Variants in SRP54 observed in about 807,000 individuals in gnomAD.
SRP54 encodes signal recognition particle subunit SRP54.
A neutral mutation model predicts 64.8 loss-of-function variants in SRP54; 10 were observed. That is an observed-to-expected ratio of 0.15 (90% CI 0.10 to 0.26). The LOEUF is 0.26. SRP54 is among the 10% of genes least tolerant of loss of function. The pLI is 1.00. For missense variants in SRP54, 325 were observed against 613.7 expected (o/e 0.53, Z 4.97); for synonymous variants, 193 against 185.6 (o/e 1.04, Z -0.32).
chr14:35,011,606 C>A lies in SRP54; in HGVS notation c.583C>A (p.His195Asn), dbSNP rs1429576232. ...TATTATTGTTGATACAAGTGGCCGC[C>A]ACAAACAAGAAGACTCTTTGTTTGA... ...EIIIVDTSGR[H>N]KQEDSLFEEM... is the part of the protein sequence containing the mutation. The change falls in exon 8 of 16, where the codon CAC becomes AAC. Residue 195 changes from histidine (H) to asparagine (N), a missense_variant. Around this residue, in one of 3 missense-constraint regions of SRP54, gnomAD observed 156 missense variants for 254.6 expected, o/e 0.61. Transcript: ENST00000216774. 3.8e-6 allele frequency: 6 copies of A among 1,593,112 alleles called. No individual in the cohort carries two copies. The highest frequency in any genetic ancestry group is 1.3e-5 in the African/African-American group (1 of 74,608).
chr14:35,017,409 A>G (rs1186554272), intron 11 of SRP54, among the ~76,000 whole-genome samples: 1 of 152,116 alleles, frequency 6.6e-6, no homozygotes, highest in East Asian at 1.9e-4. Flanking sequence ...TTCAGACTCT[A>G]AGTTCTATGT....
At chr14:35,022,306 A>G (rs1472846008) in intron 13 of SRP54, among the ~76,000 whole-genome samples, 1 of 151,344 alleles carries the variant, frequency 6.6e-6, no homozygotes, top group East Asian at 1.9e-4. Context: ...TGTTTGTTTC[A>G]TTGTTTTTAT....
At chr14:35,028,593 A>G (rs1566658994) in intron 15 of SRP54, among the ~76,000 whole-genome samples, 1 of 152,202 alleles carries the variant, frequency 6.6e-6, no homozygotes, top group Non-Finnish European at 1.5e-5. Flanking sequence ...TCATCAAGAA[A>G]TTGTGACAAT....
rs2043829790 is a variant in SRP54 at position 34,983,074 on chromosome 14, C to T, written c.-175C>T. On this transcript the variant is annotated 5_prime_UTR_variant, in exon 1 of 16. Transcript: ENST00000216774. ...CGTGGTGCTGGGCGTTGGGACCCTACTTTATCTAGTTCGGGAAGTTGGGTT... is the reference window on the plus strand; with the variant it reads ...CGTGGTGCTGGGCGTTGGGACCCTATTTTATCTAGTTCGGGAAGTTGGGTT... The T allele has an allele frequency of 6.6e-6, 1 of 152,274 alleles. No homozygotes were observed. Among genetic ancestry groups the T allele is most frequent in the Non-Finnish European group, 1.5e-5 (1 of 68,074 alleles). The allele number at this position is 152,274 out of a possible 1,614,324, so 9.4% of individuals were successfully genotyped here. A position where few individuals can be genotyped will look rare whatever the true frequency, so the allele number is the denominator to read the frequency against.
intron 14 of SRP54, among the ~76,000 whole-genome samples, chr14:35,026,563 C>G (rs2044629381): frequency 6.6e-6 from 1 of 152,124 alleles, no homozygotes; most frequent in African/African-American, 2.4e-5. Context: ...GCCCTTTTTA[C>G]TATGGTGTTT....
At chr14:34,993,996 A>C (rs1262878484) in intron 1 of SRP54, among the ~76,000 whole-genome samples, 3 of 141,238 alleles carry the variant, frequency 2.1e-5, no homozygotes. Context: ...CACCTGGCCC[A>C]AAATTTATTT....
intron 5 of SRP54, 107 bp from the exon 6 acceptor site, chr14:35,008,520 C>T: frequency 1.6e-6 from 1 of 618,866 alleles, no homozygotes; most frequent in Non-Finnish European, 2.4e-6. Context: ...GAATTATAAG[C>T]AGTTTTATTT....
At chr14:35,020,596 G>T (rs532992721) in intron 13 of SRP54, among the ~76,000 whole-genome samples, 9 of 152,048 alleles carry the variant, frequency 5.9e-5, no homozygotes, top group Non-Finnish European at 1.2e-4. Context: ...TTATTTTTTT[G>T]TAGTCTCTTT....
At chr14:34,989,774 G>T (rs986981678) in intron 1 of SRP54, among the ~76,000 whole-genome samples, 1 of 152,038 alleles carries the variant, frequency 6.6e-6, no homozygotes, top group African/African-American at 2.4e-5. Flanking sequence ...GAGAGAGATA[G>T]TTGGTATCAT....
chr14:34,986,979 T>A (rs1257454588), intron 1 of SRP54, among the ~76,000 whole-genome samples: 1 of 151,860 alleles, frequency 6.6e-6, no homozygotes, highest in African/African-American at 2.4e-5. Flanking sequence ...CTTAAGCCTG[T>A]CCCAACACTT....
In SRP54 at chr14:35,022,892, A is replaced by G; in HGVS notation, c.1157-18A>G. 6.3e-7 allele frequency: 1 copy of G among 1,585,592 alleles called. No homozygotes were observed. The highest frequency in any genetic ancestry group is 8.6e-7 in the Non-Finnish European group (1 of 1,164,682). ...GTGAATGATAATTGTGTGTGAGAGT[A>G]ACTGACCTTGTCTACAGAACTAGAC... On this transcript the variant is annotated intron_variant, in intron 13 of 15. Coordinates refer to ENST00000216774, the MANE Select transcript of SRP54 (RefSeq NM_003136.4).
At chr14:34,988,578 A>ATATATAT (rs1555352767) in intron 1 of SRP54, among the ~76,000 whole-genome samples, 3 of 47,100 alleles carry the variant, frequency 6.4e-5, no homozygotes, top group Non-Finnish European at 1.4e-4. Flanking sequence ...AAAAAAAAAA[A>ATATATAT]ATATATATAT....
chr14:35,007,825 A>C (rs1252871496), intron 5 of SRP54, among the ~76,000 whole-genome samples: 2 of 149,734 alleles, frequency 1.3e-5, no homozygotes, highest in Non-Finnish European at 3.0e-5. Flanking sequence ...CAGGCTTTAT[A>C]ATATTGTTGC....
chr14:34,998,112 T>C (rs1222104515), intron 2 of SRP54, among the ~76,000 whole-genome samples: 1 of 152,122 alleles, frequency 6.6e-6, no homozygotes, highest in African/African-American at 2.4e-5. Context: ...TAATGAGGGA[T>C]AGAGAAAACT....
At chr14:35,003,070 G>A (rs1227666438) in intron 4 of SRP54, among the ~76,000 whole-genome samples, 1 of 151,982 alleles carries the variant, frequency 6.6e-6, no homozygotes, top group Non-Finnish European at 1.5e-5. Context: ...TTAGGGGCTC[G>A]TAACTGTAGG....
intron 1 of SRP54, among the ~76,000 whole-genome samples, chr14:34,984,209 C>T (rs1040163682): frequency 6.6e-5 from 10 of 152,152 alleles, no homozygotes; most frequent in Admixed American, 4.6e-4. Context: ...ACTCCTCTGT[C>T]CCCATCTATT....
intron 14 of SRP54, among the ~76,000 whole-genome samples, chr14:35,025,391 A>C (rs1288945708): frequency 6.6e-6 from 1 of 152,158 alleles, no homozygotes; most frequent in Non-Finnish European, 1.5e-5. Context: ...TTTTGTGACA[A>C]AAAAATTAGA....
chr14:34,992,709 A>G (rs931670524), intron 1 of SRP54, among the ~76,000 whole-genome samples: 27 of 152,164 alleles, frequency 1.8e-4, no homozygotes, highest in African/African-American at 6.5e-4. Flanking sequence ...TATTTGGGTC[A>G]TGTGTGTATA....
chr14:35,028,790 A>G (rs151240313), intron 15 of SRP54, among the ~76,000 whole-genome samples: 254 of 152,288 alleles, frequency 1.7e-3, no homozygotes, highest in African/African-American at 5.4e-3. Flanking sequence ...TTTATTGACT[A>G]TGTGACCGGT....
Sources: allele counts gnomAD v4.1 joint callset (sites outside exome capture counted in the v4.1 genomes callset), GRCh38; gene constraint gnomAD v4.1.1; regional missense constraint gnomAD v4.1.1; transcripts MANE v1.5; gene names NCBI Gene and HGNC (gene_info 2026-07-23, HGNC 2026-07-21).